The following TDRD5 variants were observed in gnomAD, a reference collection of about 807,000 sequenced individuals.
TDRD5 encodes the protein tudor domain-containing protein 5.
TDRD5 carries 41 observed loss-of-function variants against 120.6 expected under a neutral mutation model. The observed-to-expected ratio is 0.34, with a 90% CI of 0.26 to 0.44. The LOEUF (loss-of-function observed/expected upper bound fraction) is 0.44. Ranked by LOEUF, TDRD5 falls within the 20% of genes least tolerant of loss-of-function variation. TDRD5 has a pLI of 1.00. For missense variants in TDRD5, 1,006 were observed against 1,221.2 expected, an observed-to-expected ratio of 0.82 and a Z score of 2.63; for synonymous variants, 430 against 433.7, an observed-to-expected ratio of 0.99 and a Z score of 0.11.
In TDRD5 at chr1:179,634,519, T is replaced by C; in HGVS notation, c.1189T>C (p.Ser397Pro). The C allele has an allele frequency of 6.2e-7, 1 of 1,613,470 alleles. No individual in the cohort carries two copies. The highest frequency in any genetic ancestry group is 8.5e-7 in the Non-Finnish European group (1 of 1,179,892). ...CTCCAGTCCACCTAGAAATTCATTG[T>C]CTACTGCTGCTGTCAAAGAGACTGT... ...CVSSPPRNSL[S>P]TAAVKETVWN... The change falls in exon 8 of 18, where the codon TCT becomes CCT. Residue 397 changes from serine to proline, a missense_variant. Transcript: ENST00000444136.
chr1:179,592,085 G>A lies in TDRD5; in HGVS notation c.-55G>A, dbSNP rs1033886160. 6.5e-6 allele frequency: 1 copy of A among 153,578 alleles called. No individual in the cohort carries two copies. The highest frequency in any genetic ancestry group is 6.5e-5 in the Admixed American group (1 of 15,498). 9.5% of individuals were successfully genotyped at this position (153,578 alleles called of 1,614,324 possible). On this transcript the variant is annotated 5_prime_UTR_variant, in exon 1 of 18. Coordinates refer to ENST00000444136, the MANE Select transcript of TDRD5 (RefSeq NM_001199085.3). The stretch of plus-strand genomic sequence containing the variant: ...GCCCCGCTCCCGTGAGGGTCACCGA[G>A]AGACGTTGGGGGTGGGGCAGGGACC...
At position 179,632,957 on chromosome 1, in the gene TDRD5, A is replaced by G. The variant is rs145732533; in HGVS notation, c.1127-1500A>G. ...TCTAATACAAAGCCTATTTTATACT[A>G]AAGTGTTGAACATCACCTGCAATTT... On this transcript the variant is annotated intron_variant, in intron 7 of 17. Coordinates refer to ENST00000444136, the MANE Select transcript of TDRD5 (RefSeq NM_001199085.3). Among the ~76,000 whole-genome samples, 397 of 152,308 alleles carry G rather than the reference A, an allele frequency of 2.6e-3. 2 individuals are homozygous for G. Among genetic ancestry groups the G allele is most frequent in the African/African-American group, 9.3e-3 (385 of 41,570 alleles).
intron 16 of TDRD5, among the ~76,000 whole-genome samples, chr1:179,668,728 G>A (rs556311038): frequency 1.4e-5 from 2 of 147,848 alleles, no homozygotes; most frequent in South Asian, 4.3e-4. Flanking sequence ...TTTTTCTAGA[G>A]AGTATCTAGG....
At chr1:179,690,150 C>G (rs1477822596) in intron 17 of TDRD5, among the ~76,000 whole-genome samples, 2 of 152,224 alleles carry the variant, frequency 1.3e-5, no homozygotes, top group African/African-American at 4.8e-5. Flanking sequence ...GTTGCTCACA[C>G]TGGGAGCTGT....
chr1:179,652,225 A>G, intron 13 of TDRD5, 28 bp downstream of exon 13: 1 of 1,570,564 alleles, frequency 6.4e-7, no homozygotes, highest in Non-Finnish European at 8.6e-7. Context: ...ATACTATTAT[A>G]ATTCTTTTTA....
In TDRD5 at chr1:179,650,941, T is replaced by C. The variant is rs1678677985; in HGVS notation, c.1875T>C (p.Asp625=). The change falls in exon 12 of 18, where the codon GAT becomes GAC. Residue 625 remains aspartate, a synonymous_variant. Coordinates refer to ENST00000444136, the MANE Select transcript of TDRD5 (RefSeq NM_001199085.3). ...CGLKPLVGVV[D]EYVDGILNIF... Reference sequence around the variant, plus strand: ...TGAAGCCATTAGTGGGGGTAGTGGATGAATATGTAGATGGAATCCTTAACA... The same window carrying C: ...TGAAGCCATTAGTGGGGGTAGTGGACGAATATGTAGATGGAATCCTTAACA... 6.2e-7 allele frequency: 1 copy of C among 1,614,076 alleles called. No homozygotes were observed. The highest frequency in any genetic ancestry group is 1.7e-5 in the Admixed American group (1 of 60,010).
chr1:179,654,132 T>TATA (rs2102070745), intron 13 of TDRD5, 69 bp from the exon 14 acceptor site: 1 of 1,313,836 alleles, frequency 7.6e-7, no homozygotes, highest in Non-Finnish European at 1.0e-6. Context: ...CCCCAAAATG[T>TATA]ATAGGCATGT....
chr1:179,645,286 C>A (rs1199900482), intron 11 of TDRD5, among the ~76,000 whole-genome samples: 1 of 151,224 alleles, frequency 6.6e-6, no homozygotes, highest in East Asian at 1.9e-4. Context: ...GGGGTTTCAC[C>A]GTTTTAGCCG....
At chr1:179,595,841 T>A in intron 4 of TDRD5, 23 bp downstream of exon 4, 1 of 1,579,432 alleles carries the variant, frequency 6.3e-7, no homozygotes, top group Non-Finnish European at 8.6e-7. Context: ...AATTTGGAGA[T>A]ATAAATATAC....
At chr1:179,620,534 G>C (rs1341770494) in intron 5 of TDRD5, among the ~76,000 whole-genome samples, 1 of 152,096 alleles carries the variant, frequency 6.6e-6, no homozygotes, top group African/African-American at 2.4e-5. Flanking sequence ...TCTTTGGTAT[G>C]ATATTTAAAA....
chr1:179,650,405 A>AT (rs1256977371), intron 11 of TDRD5, among the ~76,000 whole-genome samples: 1 of 150,758 alleles, frequency 6.6e-6, no homozygotes, highest in Non-Finnish European at 1.5e-5. Context: ...TGTCTCAAAA[A>AT]AAAAAAAAAA....
At position 179,634,503 on chromosome 1, in the gene TDRD5, A is replaced by T. The variant is rs1677649157; in HGVS notation, c.1173A>T (p.Pro391=). 1 of 1,610,988 alleles carries T rather than the reference A, an allele frequency of 6.2e-7. No individual in the cohort carries two copies. Among genetic ancestry groups the T allele is most frequent in the African/African-American group, 1.3e-5 (1 of 74,628 alleles). Residue 391 remains proline, a synonymous_variant, in exon 8 of 18, where the codon CCA becomes CCT. Transcript: ENST00000444136. ...KIEAKACVSS[P]PRNSLSTAAV... ...AAGCCAAAGCTTGTGTCTCCAGTCC[A>T]CCTAGAAATTCATTGTCTACTGCTG...
At chr1:179,647,928 A>T (rs1339744877) in intron 11 of TDRD5, among the ~76,000 whole-genome samples, 1 of 151,080 alleles carries the variant, frequency 6.6e-6, no homozygotes, top group Admixed American at 6.6e-5. Context: ...AATGGCAATC[A>T]TTAAAAAGTC....
At chr1:179,597,684 T>G (rs747549876) in intron 4 of TDRD5, among the ~76,000 whole-genome samples, 1 of 152,152 alleles carries the variant, frequency 6.6e-6, no homozygotes, top group African/African-American at 2.4e-5. Context: ...AGTTACAAGT[T>G]TTTCTCCTAC....
chr1:179,625,604 C>A (rs1677080361), intron 6 of TDRD5, among the ~76,000 whole-genome samples: 1 of 152,160 alleles, frequency 6.6e-6, no homozygotes, highest in African/African-American at 2.4e-5. Flanking sequence ...AATGTTCTTA[C>A]AATTTCTTGT....
chr1:179,592,543 T>C lies in TDRD5; in HGVS notation c.-14-59T>C, dbSNP rs1675167271. The stretch of plus-strand genomic sequence containing the variant: ...TTATTTGTATCCCACTATTGGTTTT[T>C]TTTTAAATCTTTTTTCGTGGGTTTG... On this transcript the variant is annotated intron_variant, in intron 1 of 17. Coordinates refer to ENST00000444136, the MANE Select transcript of TDRD5 (RefSeq NM_001199085.3). The C allele has an allele frequency of 2.9e-6, 4 of 1,363,516 alleles. No homozygotes were observed. The South Asian group carries it at 3.7e-5, about 13-fold the overall frequency. 84.5% of individuals were successfully genotyped at this position (1,363,516 alleles called of 1,614,324 possible).
chr1:179,653,744 A>C (rs911171179), intron 13 of TDRD5, among the ~76,000 whole-genome samples: 1 of 152,154 alleles, frequency 6.6e-6, no homozygotes, highest in African/African-American at 2.4e-5. Context: ...TGACATATTA[A>C]GACTCCCATA....
intron 4 of TDRD5, among the ~76,000 whole-genome samples, chr1:179,608,963 C>T (rs1309472843): frequency 6.6e-6 from 1 of 151,988 alleles, no homozygotes; most frequent in African/African-American, 2.4e-5. Context: ...ATTTAAGCCC[C>T]AGCCTCCAAT....
intron 7 of TDRD5, 71 bp downstream of exon 7, chr1:179,630,991 A>G (rs1370381327): frequency 7.1e-7 from 1 of 1,401,952 alleles, no homozygotes; most frequent in Admixed American, 2.2e-5. Context: ...AAAACATGAA[A>G]TAATGCCTAG....
Sources: gnomAD v4.1 joint callset for allele counts (sites outside exome capture counted in the v4.1 genomes callset) on GRCh38, gnomAD v4.1.1 for gene constraint, MANE v1.5 for transcripts, NCBI Gene and HGNC (gene_info 2026-07-23, HGNC 2026-07-21) for gene names.